Variants in ADAM23 observed in about 807,000 individuals in gnomAD.
ADAM23 encodes the protein disintegrin and metalloproteinase domain-containing protein 23.
ADAM23 carries 33 observed loss-of-function variants against 120.1 expected under a neutral mutation model. The ratio of observed to expected loss-of-function variants is 0.27; its 90% confidence interval spans 0.21 to 0.37. The LOEUF (loss-of-function observed/expected upper bound fraction) is 0.37, where lower values mean the gene tolerates loss of function less well. Ranked by LOEUF, ADAM23 falls within the 10% of genes least tolerant of loss-of-function variation. The probability of loss-of-function intolerance (pLI) is 1.00; values close to 1 mark genes in which losing one functional copy is unlikely to be tolerated. For synonymous variants in ADAM23, 367 were observed against 375.2 expected, an observed-to-expected ratio of 0.98 and a Z score of 0.25; for missense variants, 862 against 1,058.2, an observed-to-expected ratio of 0.81 and a Z score of 2.57.
chr2:206,469,757 G>C (rs182620674), intron 2 of ADAM23, among the ~76,000 whole-genome samples: 5 of 152,234 alleles, frequency 3.3e-5, no homozygotes. Flanking sequence ...CCCTCCACTT[G>C]ACCCACACTG....
In ADAM23 at chr2:206,596,174, T is replaced by A; in HGVS notation, c.2359+12T>A. ...TGAAGGACCCAAGGGTTTGTGTGAT[T>A]TTGGTTTCAATTCATGGAATACTGA... is the stretch of plus-strand genomic sequence containing the variant. On this transcript the variant is annotated intron_variant, in intron 24 of 25. Transcript: ENST00000264377. 6.2e-7 allele frequency: 1 copy of A among 1,607,916 alleles called. No individual in the cohort carries two copies. The highest frequency in any genetic ancestry group is 8.5e-7 in the Non-Finnish European group (1 of 1,175,088).
rs755203014 is a variant in ADAM23 at position 206,594,845 on chromosome 2, A to C, written c.2187A>C (p.Gln729His). The C allele has an allele frequency of 6.2e-7, 1 of 1,614,224 alleles. No individual in the cohort carries two copies. The highest frequency in any genetic ancestry group is 1.1e-5 in the South Asian group (1 of 91,086). ...MCLDRKCLQI[Q>H]ALNMSSCPLD... The stretch of plus-strand genomic sequence containing the variant: ...TAGATCGGAAGTGCCTACAAATTCA[A>C]GCCCTAAATATGAGCAGCTGTCCAC... The change falls in exon 23 of 26, where the codon CAA becomes CAC. Residue 729 changes from glutamine to histidine, a missense_variant. Gln to His is a conservative substitution (Grantham distance 24). Coordinates refer to ENST00000264377, the MANE Select transcript of ADAM23 (RefSeq NM_003812.4).
At position 206,548,153 on chromosome 2, in the gene ADAM23, T is replaced by A. The variant is rs148267034; in HGVS notation, c.794-128T>A. 1,191 of 735,912 alleles carry A rather than the reference T, an allele frequency of 1.6e-3. 8 individuals are homozygous for A. The African/African-American group carries it at 0.019, about 11-fold the overall frequency. The allele number at this position is 735,912 out of a possible 1,614,324, so 45.6% of individuals were successfully genotyped here. A position where few individuals can be genotyped will look rare whatever the true frequency, so the allele number is the denominator to read the frequency against. Reference sequence around the variant, plus strand: ...CATGAGAGTGTGAAATATATAATGATCAGTGTGCTTTTTTTCACCTTAGTT... The same window carrying A: ...CATGAGAGTGTGAAATATATAATGAACAGTGTGCTTTTTTTCACCTTAGTT... On this transcript the variant is annotated intron_variant, in intron 7 of 25. Coordinates refer to ENST00000264377, the MANE Select transcript of ADAM23 (RefSeq NM_003812.4).
chr2:206,487,984 T>C (rs1254028511), intron 3 of ADAM23, among the ~76,000 whole-genome samples: 1 of 152,268 alleles, frequency 6.6e-6, no homozygotes, highest in African/African-American at 2.4e-5. Flanking sequence ...TATTCTGATT[T>C]TCTGGGAATC....
rs564957872 is a variant in ADAM23, at chr2:206,476,836, C to G, written c.433-4396C>G. 5.3e-5 allele frequency among the ~76,000 whole-genome samples: 8 copies of G among 152,138 alleles called. No individual in the cohort carries two copies. The South Asian group carries it at 1.7e-3, about 32-fold the overall frequency. ...TCAGCCTTATGATATTTTTTGAATT[C>G]TGGGAAAATGTTATTTCCCATTTTC... is the stretch of plus-strand genomic sequence containing the variant. On this transcript the variant is annotated intron_variant, in intron 2 of 25. Transcript: ENST00000264377.
At chr2:206,605,064 A>G (rs1698704950) in intron 24 of ADAM23, among the ~76,000 whole-genome samples, 1 of 152,204 alleles carries the variant, frequency 6.6e-6, no homozygotes, top group South Asian at 2.1e-4. Flanking sequence ...AGGATTGGAA[A>G]GCTGTACACA....
intron 17 of ADAM23, 76 bp downstream of exon 17, chr2:206,571,892 T>G: frequency 7.8e-7 from 1 of 1,284,578 alleles, no homozygotes; most frequent in Admixed American, 1.8e-5. Flanking sequence ...ACTGAGCATT[T>G]GTGTAGCTTG....
chr2:206,572,006 C>T (rs1559270385), intron 17 of ADAM23, among the ~76,000 whole-genome samples, 190 bp downstream of exon 17: 1 of 152,198 alleles, frequency 6.6e-6, no homozygotes, highest in Non-Finnish European at 1.5e-5. Flanking sequence ...CTATTATTCA[C>T]TACCAACCAT....
chr2:206,513,616 A>G (rs1696671791), intron 3 of ADAM23, among the ~76,000 whole-genome samples: 1 of 152,248 alleles, frequency 6.6e-6, no homozygotes, highest in African/African-American at 2.4e-5. Flanking sequence ...TATCCAGAAC[A>G]TCTAGCTAAG....
intron 3 of ADAM23, among the ~76,000 whole-genome samples, chr2:206,503,766 T>C (rs1696437936): frequency 6.6e-6 from 1 of 152,226 alleles, no homozygotes; most frequent in Non-Finnish European, 1.5e-5. Context: ...TTTTGGCCTT[T>C]TTAATGGCTG....
intron 2 of ADAM23, among the ~76,000 whole-genome samples, chr2:206,479,639 T>C (rs1472985585): frequency 6.6e-6 from 1 of 152,180 alleles, no homozygotes; most frequent in African/African-American, 2.4e-5. Flanking sequence ...AGAGGTTCTG[T>C]TGTGGATAAC....
At chr2:206,555,870 CTTAATG>C (rs1056005960) in intron 9 of ADAM23, among the ~76,000 whole-genome samples, 19 of 152,166 alleles carry the variant, frequency 1.2e-4, no homozygotes, top group Non-Finnish European at 5.9e-5. Context: ...CCCAGAGGAA[CTTAATG>C]TTAATATTTT....
At chr2:206,485,793 T>A (rs1695999932) in intron 3 of ADAM23, among the ~76,000 whole-genome samples, 1 of 152,024 alleles carries the variant, frequency 6.6e-6, no homozygotes, top group African/African-American at 2.4e-5. Context: ...CATAAAGACA[T>A]ATAGGATGGA....
intron 3 of ADAM23, among the ~76,000 whole-genome samples, chr2:206,482,513 A>G (rs1695918266): frequency 6.6e-6 from 1 of 152,212 alleles, no homozygotes; most frequent in Non-Finnish European, 1.5e-5. Context: ...GTTTTGAGCA[A>G]TAAAATATCT....
At chr2:206,542,774 A>C (rs1697319347) in intron 5 of ADAM23, among the ~76,000 whole-genome samples, 1 of 152,218 alleles carries the variant, frequency 6.6e-6, no homozygotes, top group African/African-American at 2.4e-5. Flanking sequence ...GGCAGTTCAG[A>C]ATTTATAAGC....
chr2:206,556,879 A>G (rs1697654817), intron 9 of ADAM23, among the ~76,000 whole-genome samples: 1 of 152,106 alleles, frequency 6.6e-6, no homozygotes, highest in Non-Finnish European at 1.5e-5. Flanking sequence ...TGACAAAGAC[A>G]TTTTCTTGAT....
At chr2:206,483,340 G>A (rs1194310694) in intron 3 of ADAM23, among the ~76,000 whole-genome samples, 1 of 152,172 alleles carries the variant, frequency 6.6e-6, no homozygotes, top group Admixed American at 6.5e-5. Flanking sequence ...GGCATCAGAA[G>A]AGACATGATA....
chr2:206,501,727 G>A (rs1019107757), intron 3 of ADAM23, among the ~76,000 whole-genome samples: 1 of 152,056 alleles, frequency 6.6e-6, no homozygotes, highest in African/African-American at 2.4e-5. Context: ...AGAACTTTTT[G>A]CAAGGTGATA....
At chr2:206,521,125 G>A (rs967433777) in intron 3 of ADAM23, among the ~76,000 whole-genome samples, 3 of 152,098 alleles carry the variant, frequency 2.0e-5, no homozygotes, top group African/African-American at 7.2e-5. Context: ...CTCCTTGAGG[G>A]CTGCTTGATG....
Sources: gnomAD v4.1 joint callset for allele counts (sites outside exome capture counted in the v4.1 genomes callset) on GRCh38, gnomAD v4.1.1 for gene constraint, MANE v1.5 for transcripts, NCBI Gene and HGNC (gene_info 2026-07-23, HGNC 2026-07-21) for gene names.